RBM28: variants seen among roughly 807,000 people sequenced by gnomAD.
RBM28 encodes RNA binding motif protein 28, also known as RNA-binding protein 28.
In RBM28, 78 loss-of-function variants were observed where a neutral mutation model predicts 98.3. The observed-to-expected ratio is 0.79, with a 90% confidence interval of 0.66 to 0.96. The LOEUF is 0.96. Ranked by LOEUF, RBM28 falls within the 40% of genes least tolerant of loss-of-function variation. RBM28 has a pLI of 0.00. For missense variants in RBM28, 838 were observed against 913.0 expected, an observed-to-expected ratio of 0.92 and a Z score of 1.06; for synonymous variants, 306 against 330.9, an observed-to-expected ratio of 0.92 and a Z score of 0.82.
At position 128,298,967 on chromosome 7, in the gene RBM28, TACACC is replaced by T. The variant is rs1048802164; in HGVS notation, c.*11825_*11829del. ...GGTCGAGGCTGCAGTGACCTGTGAT[TACACC>T]ACTGCACTCCAGCCTGGGAGACAGA... On this transcript the variant is annotated 3_prime_UTR_variant, in exon 19 of 19. Coordinates refer to ENST00000223073, the MANE Select transcript of RBM28 (RefSeq NM_018077.3). 2 of 147,218 alleles carry T rather than the reference TACACC, an allele frequency of 1.4e-5. No individual in the cohort carries two copies. The highest frequency in any genetic ancestry group is 5.0e-5 in the African/African-American group (2 of 40,004). 9.1% of individuals were successfully genotyped at this position (147,218 alleles called of 1,614,324 possible). A position where few individuals can be genotyped will look rare whatever the true frequency, so the allele number is the denominator to read the frequency against.
chr7:128,313,294 T>C lies in RBM28; in HGVS notation c.2046-20A>G. ...CGCAACCTGAAATAACATGGCTGAG[T>C]GTCACCTTGAGTCCTTCTTCTAATT... On this transcript the variant is annotated intron_variant, in intron 17 of 18. Transcript: ENST00000223073. 2 of 1,605,452 alleles carry C rather than the reference T, an allele frequency of 1.2e-6. No homozygotes were observed. The highest frequency in any genetic ancestry group is 1.7e-6 in the Non-Finnish European group (2 of 1,172,134).
At chr7:128,342,308 C>A (rs1796743236) in intron 1 of RBM28, among the ~76,000 whole-genome samples, 1 of 152,216 alleles carries the variant, frequency 6.6e-6, no homozygotes, top group South Asian at 2.1e-4. Flanking sequence ...CTCCAACAGT[C>A]TATTGGCAAC....
chr7:128,313,748 C>A (rs1490917186), intron 17 of RBM28, among the ~76,000 whole-genome samples: 1 of 152,114 alleles, frequency 6.6e-6, no homozygotes, highest in African/African-American at 2.4e-5. Flanking sequence ...AATGGTTTAG[C>A]GCCATCCCCT....
chr7:128,324,354 A>G (rs1213950714), intron 12 of RBM28, among the ~76,000 whole-genome samples: 3 of 152,266 alleles, frequency 2.0e-5, no homozygotes, highest in Non-Finnish European at 2.9e-5. Context: ...GGCAGAAAAG[A>G]TAATGGGACA....
intron 10 of RBM28, among the ~76,000 whole-genome samples, chr7:128,326,629 G>A (rs1796358778): frequency 6.6e-6 from 1 of 152,268 alleles, no homozygotes; most frequent in Non-Finnish European, 1.5e-5. Context: ...AGTACACTAT[G>A]ACATTCACAC....
In RBM28 at chr7:128,310,686, T is replaced by G; in HGVS notation, c.*111A>C. The G allele has an allele frequency of 1.4e-6, 2 of 1,433,084 alleles. No individual in the cohort carries two copies. The highest frequency in any genetic ancestry group is 1.9e-6 in the Non-Finnish European group (2 of 1,026,552). The allele number at this position is 1,433,084 out of a possible 1,614,324, so 88.8% of individuals were successfully genotyped here. ...AGGGCACCTCCGAGCACAGTGGCAG[T>G]GCCCTTGGGGATTTTCTTTCCCTCA... On this transcript the variant is annotated 3_prime_UTR_variant, in exon 19 of 19. Transcript: ENST00000223073.
In RBM28 at chr7:128,309,341, CAG is replaced by C. The variant is rs1417669994; in HGVS notation, c.*1454_*1455del. The C allele has an allele frequency of 6.6e-6, 1 of 151,818 alleles. No homozygotes were observed. The highest frequency in any genetic ancestry group is 1.5e-5 in the Non-Finnish European group (1 of 67,950). The allele number at this position is 151,818 out of a possible 1,614,324, so 9.4% of individuals were successfully genotyped here. A position where few individuals can be genotyped will look rare whatever the true frequency, so the allele number is the denominator to read the frequency against. On this transcript the variant is annotated 3_prime_UTR_variant, in exon 19 of 19. Transcript: ENST00000223073. The stretch of plus-strand genomic sequence containing the variant: ...GATAGAGATTAGTGCTAGAAAGAAA[CAG>C]GGAAGCAGGCCAGGCGTGGTGGCTC...
Position 128,311,497 on chromosome 7 carries a change from T to C in RBM28, c.2146-566A>G, listed in dbSNP as rs138937137. ...AAGGAACTAAGGCTCCTTGGGAAAATGGCTAATGTCAGGACTGGGGAAGAG... is the reference window on the plus strand; with the variant it reads ...AAGGAACTAAGGCTCCTTGGGAAAACGGCTAATGTCAGGACTGGGGAAGAG... On this transcript the variant is annotated intron_variant, in intron 18 of 18. Transcript: ENST00000223073. 2.9e-3 allele frequency among the ~76,000 whole-genome samples: 442 copies of C among 152,230 alleles called. 7 individuals carry two copies. The highest frequency in any genetic ancestry group is 0.01 in the African/African-American group (418 of 41,542).
chr7:128,325,690 T>G, intron 11 of RBM28, 128 bp downstream of exon 11: 4 of 715,020 alleles, frequency 5.6e-6, no homozygotes, highest in Non-Finnish European at 9.9e-6. Flanking sequence ...CACAAAGTGC[T>G]AAATAAGTGT....
intron 8 of RBM28, among the ~76,000 whole-genome samples, chr7:128,334,526 T>TA (rs1204084875): frequency 6.6e-6 from 1 of 152,214 alleles, no homozygotes; most frequent in East Asian, 1.9e-4. Flanking sequence ...ATGTCAGACT[T>TA]ACTGAAATGG....
At chr7:128,341,148 C>T in intron 1 of RBM28, 4 of 1,289,064 alleles carry the variant, frequency 3.1e-6, no homozygotes, top group Non-Finnish European at 4.0e-6. Flanking sequence ...ATATGCTCTG[C>T]TTCTCTTTCC....
chr7:128,301,713 C>T lies in RBM28; in HGVS notation c.*9084G>A, dbSNP rs1294727232. On this transcript the variant is annotated 3_prime_UTR_variant, in exon 19 of 19. Transcript: ENST00000223073. ...TCTGTGGCAGGCACCTGGGAGCCCA[C>T]TTGGCGGGCCTTGCCCTGGCCCAGA... 1.3e-5 allele frequency: 2 copies of T among 152,460 alleles called. No individual in the cohort carries two copies. Among genetic ancestry groups the T allele is most frequent in the Middle Eastern group, 3.1e-3 (1 of 320 alleles). 9.4% of individuals were successfully genotyped at this position (152,460 alleles called of 1,614,324 possible).
intron 1 of RBM28, chr7:128,341,262 C>T: frequency 9.2e-7 from 1 of 1,083,782 alleles, no homozygotes; most frequent in Non-Finnish European, 1.2e-6. Context: ...TTCTCTTGAA[C>T]TCCTTATCAT....
At chr7:128,324,751 C>T (rs981123843) in intron 11 of RBM28, 57 bp from the exon 12 acceptor site, 227 of 1,611,228 alleles carry the variant, frequency 1.4e-4, no homozygotes, top group Non-Finnish European at 1.8e-4. Flanking sequence ...CAGTGGCTCA[C>T]ACCTGTAAAC....
At chr7:128,312,760 G>A (rs1459378301) in intron 18 of RBM28, among the ~76,000 whole-genome samples, 1 of 152,184 alleles carries the variant, frequency 6.6e-6, no homozygotes, top group Non-Finnish European at 1.5e-5. Flanking sequence ...TGTAGTAGAT[G>A]ATAAAGGGCT....
At chr7:128,325,915 T>C (rs1186482703) in intron 10 of RBM28, 24 bp from the exon 11 acceptor site, 12 of 1,591,140 alleles carry the variant, frequency 7.5e-6, no homozygotes. Context: ...CACAATTCAG[T>C]GAGATCCCAA....
chr7:128,316,336 CA>C (rs1796106964), intron 16 of RBM28, among the ~76,000 whole-genome samples: 1 of 152,154 alleles, frequency 6.6e-6, no homozygotes, highest in African/African-American at 2.4e-5. Flanking sequence ...TCTGCATATG[CA>C]AAGTGAGTAG....
intron 17 of RBM28, 135 bp downstream of exon 17, chr7:128,314,629 C>T (rs1796066667): frequency 7.0e-7 from 1 of 1,431,396 alleles, no homozygotes; most frequent in Non-Finnish European, 9.8e-7. Context: ...CGCGTGTTAA[C>T]CCCATGTGTG....
chr7:128,315,840 C>T (rs1013066053), intron 16 of RBM28, among the ~76,000 whole-genome samples: 1 of 151,878 alleles, frequency 6.6e-6, no homozygotes, highest in African/African-American at 2.4e-5. Flanking sequence ...GCAAGAAATG[C>T]GAAATAATCT....
Sources: gnomAD v4.1 joint callset for allele counts (sites outside exome capture counted in the v4.1 genomes callset) on GRCh38, gnomAD v4.1.1 for gene constraint, MANE v1.5 for transcripts, NCBI Gene and HGNC (gene_info 2026-07-23, HGNC 2026-07-21) for gene names.